The following HS3ST5 variants were observed in gnomAD, a reference collection of about 807,000 sequenced individuals.
The protein encoded by HS3ST5 is heparan sulfate glucosamine 3-O-sulfotransferase 5.
In HS3ST5, 10 loss-of-function variants were observed where a neutral mutation model predicts 25.4. That is an observed-to-expected ratio of 0.39 (90% CI 0.24 to 0.67). The LOEUF (loss-of-function observed/expected upper bound fraction) is 0.67. Among genes scored for constraint, HS3ST5 ranks in the 30% least tolerant of loss-of-function variants. HS3ST5 has a pLI of 0.44. For missense variants in HS3ST5, 324 were observed against 420.7 expected (o/e 0.77, Z 2.01); for synonymous variants, 170 against 162.4 (o/e 1.05, Z -0.36).
chr6:114,153,786 T>G (rs1186811213), intron 3 of HS3ST5, among the ~76,000 whole-genome samples: 1 of 152,214 alleles, frequency 6.6e-6, no homozygotes, highest in Non-Finnish European at 1.5e-5. Context: ...ATAGTCACCT[T>G]ATTAATAACT....
At position 114,189,695 on chromosome 6, in the gene HS3ST5, C is replaced by A. The variant is rs541792346; in HGVS notation, c.-144-21233G>T. Among the ~76,000 whole-genome samples the A allele has an allele frequency of 2.0e-5, 3 of 152,180 alleles. No homozygotes were observed. The East Asian group carries it at 5.8e-4, about 29-fold the overall frequency. On this transcript the variant is annotated intron_variant, in intron 2 of 4. Coordinates refer to ENST00000312719, the MANE Select transcript of HS3ST5 (RefSeq NM_153612.4). Reference sequence around the variant, plus strand: ...GAATGTGCCTCTTTTATACCATACTCTTTTTCCACTGAGGCAGTATCTTAT... The same window carrying A: ...GAATGTGCCTCTTTTATACCATACTATTTTTCCACTGAGGCAGTATCTTAT...
chr6:114,300,551 G>A (rs1775029449), intron 1 of HS3ST5, among the ~76,000 whole-genome samples: 1 of 152,158 alleles, frequency 6.6e-6, no homozygotes, highest in Non-Finnish European at 1.5e-5. Flanking sequence ...TACATTGCTG[G>A]TGGGATTATA....
At chr6:114,283,254 T>A (rs1774199781) in intron 1 of HS3ST5, among the ~76,000 whole-genome samples, 1 of 152,056 alleles carries the variant, frequency 6.6e-6, no homozygotes, top group South Asian at 2.1e-4. Context: ...ATTCTAATTT[T>A]TTAGGTTTTG....
intron 3 of HS3ST5, among the ~76,000 whole-genome samples, chr6:114,063,405 C>G (rs1773251610): frequency 6.6e-6 from 1 of 151,736 alleles, no homozygotes; most frequent in Non-Finnish European, 1.5e-5. Context: ...ATCCCAGCTG[C>G]TAGGGAGGCT....
intron 3 of HS3ST5, among the ~76,000 whole-genome samples, chr6:114,127,152 C>T (rs918303948): frequency 3.9e-5 from 6 of 151,994 alleles, no homozygotes; most frequent in South Asian, 2.1e-4. Context: ...TTTGGGAAGC[C>T]GAGGTGGGCT....
At chr6:114,213,741 G>A (rs1048907638) in intron 2 of HS3ST5, among the ~76,000 whole-genome samples, 31 of 152,096 alleles carry the variant, frequency 2.0e-4, no homozygotes, top group African/African-American at 7.0e-4. Flanking sequence ...CTGCATAGGA[G>A]AGGCATGAAA....
At chr6:114,166,388 CTT>C (rs1779209220) in intron 3 of HS3ST5, among the ~76,000 whole-genome samples, 1 of 152,182 alleles carries the variant, frequency 6.6e-6, no homozygotes, top group South Asian at 2.1e-4. Context: ...AAGAACAAGA[CTT>C]AATGATTTTC....
chr6:114,194,181 CTT>C (rs758483922), intron 2 of HS3ST5, among the ~76,000 whole-genome samples: 3 of 152,172 alleles, frequency 2.0e-5, no homozygotes, highest in Non-Finnish European at 2.9e-5. Flanking sequence ...ACACAGATAT[CTT>C]TTGCATTGAC....
chr6:114,089,202 T>C (rs1774999122), intron 3 of HS3ST5, among the ~76,000 whole-genome samples: 2 of 152,146 alleles, frequency 1.3e-5, no homozygotes, highest in Non-Finnish European at 2.9e-5. Context: ...TGGGAAGCAA[T>C]GGGGAGCTAT....
At chr6:114,067,671 T>G (rs1047234694) in intron 3 of HS3ST5, among the ~76,000 whole-genome samples, 4 of 152,150 alleles carry the variant, frequency 2.6e-5, no homozygotes, top group Non-Finnish European at 5.9e-5. Flanking sequence ...AGCATTTTGT[T>G]TGCAAGGCTG....
At chr6:114,122,437 C>T (rs527923322) in intron 3 of HS3ST5, among the ~76,000 whole-genome samples, 2 of 152,238 alleles carry the variant, frequency 1.3e-5, no homozygotes, top group Non-Finnish European at 2.9e-5. Flanking sequence ...TCAGAACTCC[C>T]AGGGAATTCT....
At chr6:114,316,311 A>G (rs2114862634) in intron 1 of HS3ST5, among the ~76,000 whole-genome samples, 1 of 152,318 alleles carries the variant, frequency 6.6e-6, no homozygotes, top group Non-Finnish European at 1.5e-5. Flanking sequence ...TTACTCTTCC[A>G]ACCATATCAC....
intron 1 of HS3ST5, among the ~76,000 whole-genome samples, chr6:114,267,407 C>T (rs988033108): frequency 1.3e-5 from 2 of 152,124 alleles, no homozygotes; most frequent in African/African-American, 4.8e-5. Flanking sequence ...TGCTTAGCAC[C>T]TACCACTTCC....
intron 3 of HS3ST5, among the ~76,000 whole-genome samples, chr6:114,161,340 T>C (rs984809335): frequency 6.6e-6 from 1 of 150,806 alleles, no homozygotes. Context: ...AACTGAAGAA[T>C]GCTTTTATAT....
chr6:114,109,873 C>A (rs969375343), intron 3 of HS3ST5, among the ~76,000 whole-genome samples: 3 of 152,208 alleles, frequency 2.0e-5, no homozygotes, highest in Non-Finnish European at 1.5e-5. Context: ...AGGGACAGTG[C>A]AGACATAGTC....
chr6:114,073,182 A>C (rs1022849365), intron 3 of HS3ST5, among the ~76,000 whole-genome samples: 2 of 152,234 alleles, frequency 1.3e-5, no homozygotes, highest in African/African-American at 4.8e-5. Flanking sequence ...TAAAACCATA[A>C]AAACCCTAGA....
chr6:114,152,143 C>G (rs921472096), intron 3 of HS3ST5, among the ~76,000 whole-genome samples: 1 of 151,982 alleles, frequency 6.6e-6, no homozygotes, highest in African/African-American at 2.4e-5. Flanking sequence ...AGGATGGTCT[C>G]GAACTCCTGA....
intron 3 of HS3ST5, chr6:114,084,812 A>G (rs1244308033): frequency 4.4e-6 from 3 of 677,426 alleles, no homozygotes; most frequent in African/African-American, 3.7e-5. Context: ...CTCTTAGAAA[A>G]TTTCTTTTTT....
rs183452801 is a variant in HS3ST5 at position 114,089,394 on chromosome 6, A to G, written c.-32-26517T>C. Among the ~76,000 whole-genome samples, 244 of 152,174 alleles carry G rather than the reference A, an allele frequency of 1.6e-3. 1 individual carries two copies. Among genetic ancestry groups the G allele is most frequent in the Admixed American group, 3.1e-3 (47 of 15,282 alleles). ...TTTTTCTGTGCAGAAAAGAGTATAT[A>G]TGTGTTTTCAATAATTTTCCTAATT... On this transcript the variant is annotated intron_variant, in intron 3 of 4. Transcript: ENST00000312719.
Sources: allele counts gnomAD v4.1 joint callset (sites outside exome capture counted in the v4.1 genomes callset), GRCh38; gene constraint gnomAD v4.1.1; transcripts MANE v1.5; gene names NCBI Gene and HGNC (gene_info 2026-07-23, HGNC 2026-07-21).